The following ATP2B2 variants were observed in gnomAD, a reference collection of about 807,000 sequenced individuals.
The protein encoded by ATP2B2 is ATPase plasma membrane Ca2+ transporting 2.
A neutral mutation model predicts 120.0 loss-of-function variants in ATP2B2; 15 were observed. That is an observed-to-expected ratio of 0.12 (90% confidence interval 0.08 to 0.19). The LOEUF (loss-of-function observed/expected upper bound fraction) is 0.19, where lower values mean the gene tolerates loss of function less well. ATP2B2 is among the 10% of genes least tolerant of loss of function. The pLI, the probability that ATP2B2 is intolerant of heterozygous loss-of-function variation, is 1.00. For missense variants in ATP2B2, 1,045 were observed against 1,719.8 expected (o/e 0.61, Z 6.94); for synonymous variants, 694 against 700.3 (o/e 0.99, Z 0.14).
At chr3:10,390,679 G>C (rs529425248) in intron 5 of ATP2B2, among the ~76,000 whole-genome samples, 5 of 152,278 alleles carry the variant, frequency 3.3e-5, no homozygotes, top group South Asian at 4.1e-4. Context: ...GCTCACAGAG[G>C]GGGTGTGCGG....
At chr3:10,485,855 G>T (rs909771154) in intron 1 of ATP2B2, among the ~76,000 whole-genome samples, 2 of 152,170 alleles carry the variant, frequency 1.3e-5, no homozygotes, top group Non-Finnish European at 2.9e-5. Context: ...GTCAGGAAGG[G>T]TTGCTCTGGG....
chr3:10,385,183 G>A, intron 8 of ATP2B2, 85 bp downstream of exon 8: 1 of 1,365,596 alleles, frequency 7.3e-7, no homozygotes, highest in Admixed American at 1.8e-5. Flanking sequence ...GTGCAGTCCA[G>A]AACAAGGAAA....
At chr3:10,386,135 G>A (rs1298552182) in intron 7 of ATP2B2, among the ~76,000 whole-genome samples, 5 of 152,320 alleles carry the variant, frequency 3.3e-5, no homozygotes, top group South Asian at 2.1e-4. Flanking sequence ...GGCTCCCCAG[G>A]GGTGCTGGTG....
intron 1 of ATP2B2, among the ~76,000 whole-genome samples, chr3:10,473,557 A>AGGAGGCAAGTTGGCAG (rs1263471412): frequency 1.3e-4 from 20 of 152,328 alleles, no homozygotes; most frequent in African/African-American, 4.8e-4. Context: ...ACTTGAACCC[A>AGGAGGCAAGTTGGCAG]GGAGGCAAGT....
At chr3:10,551,650 G>A (rs1422745450) in intron 2 of ATP2B2, among the ~76,000 whole-genome samples, 9 of 152,154 alleles carry the variant, frequency 5.9e-5, no homozygotes, top group Admixed American at 3.9e-4. Flanking sequence ...CCTTCAGCCC[G>A]GCAACTGTAC....
At chr3:10,655,403 T>C (rs2070593048) in intron 1 of ATP2B2, among the ~76,000 whole-genome samples, 1 of 152,194 alleles carries the variant, frequency 6.6e-6, no homozygotes, top group African/African-American at 2.4e-5. Flanking sequence ...TCAATCAGAA[T>C]CCCCCAGGTT....
At chr3:10,351,609 C>T (rs2060580167) in intron 14 of ATP2B2, among the ~76,000 whole-genome samples, 1 of 152,094 alleles carries the variant, frequency 6.6e-6, no homozygotes, top group Non-Finnish European at 1.5e-5. Context: ...AGTTGTATTC[C>T]CCCCAAAAGA....
rs1398957011 is a variant in ATP2B2, at chr3:10,456,245, T to C, written c.-319-6383A>G. Among the ~76,000 whole-genome samples, 5 of 152,246 alleles carry C rather than the reference T, an allele frequency of 3.3e-5. No individual in the cohort carries two copies. In the East Asian group the frequency reaches 9.6e-4, roughly 29 times the overall value. The stretch of plus-strand genomic sequence containing the variant: ...CTGGGACAGTCGTACATGAATTATG[T>C]GCTAAAAATAACTTCTGGATGCCAA... On this transcript the variant is annotated intron_variant, in intron 1 of 22. Coordinates refer to ENST00000360273, the MANE Select transcript of ATP2B2 (RefSeq NM_001001331.4).
In ATP2B2 at chr3:10,342,403, A is replaced by G. The variant is rs1215080419; in HGVS notation, c.2917+349T>C. ...CCAGGATAAGGTGCTGGAATGGGTC[A>G]GAGAAGGGGTGAGTCACTCCCCTCC... On this transcript the variant is annotated intron_variant, in intron 19 of 22. Coordinates refer to ENST00000360273, the MANE Select transcript of ATP2B2 (RefSeq NM_001001331.4). The surrounding 1 kb of genome is among the most constrained non-coding windows in gnomAD (Gnocchi z 4.4). 1.3e-5 allele frequency among the ~76,000 whole-genome samples: 2 copies of G among 152,170 alleles called. No homozygotes were observed. Among genetic ancestry groups the G allele is most frequent in the African/African-American group, 4.8e-5 (2 of 41,442 alleles).
At position 10,364,714 on chromosome 3, in the gene ATP2B2, G is replaced by GA. The variant is rs895709086; in HGVS notation, c.1660-4592dup. 7.9e-5 allele frequency among the ~76,000 whole-genome samples: 12 copies of GA among 151,110 alleles called. 1 individual carries two copies. The highest frequency in any genetic ancestry group is 2.1e-4 in the South Asian group (1 of 4,782). On this transcript the variant is annotated intron_variant, in intron 12 of 22. Transcript: ENST00000360273. ...CGTCAGAGCAAGACTCCATCTTGGG[G>GA]AAAAAAAATAATAATAATAAAAATA...
At chr3:10,607,255 C>T (rs2069112607) in intron 2 of ATP2B2, among the ~76,000 whole-genome samples, 1 of 152,092 alleles carries the variant, frequency 6.6e-6, no homozygotes, top group Middle Eastern at 3.2e-3. Flanking sequence ...GTGGAAAGCC[C>T]AGAACAGAGC....
chr3:10,375,316 G>A lies in ATP2B2; in HGVS notation c.1416+114C>T, dbSNP rs2061351168. The A allele has an allele frequency of 1.2e-6, 1 of 868,686 alleles. No homozygotes were observed. Among genetic ancestry groups the A allele is most frequent in the Non-Finnish European group, 1.9e-6 (1 of 533,294 alleles). 53.8% of individuals were successfully genotyped at this position (868,686 alleles called of 1,614,324 possible). On this transcript the variant is annotated intron_variant, in intron 11 of 22. Coordinates refer to ENST00000360273, the MANE Select transcript of ATP2B2 (RefSeq NM_001001331.4). This position sits in a 1 kb window ranked among gnomAD's most constrained non-coding sequence, Gnocchi z 4.2. The stretch of plus-strand genomic sequence containing the variant: ...ACATTCTTCTTCCAAGCTCCTAGGG[G>A]GTCTATGGGGCTTCTTCGTTCATCT...
chr3:10,612,622 C>T (rs921016561), intron 2 of ATP2B2, among the ~76,000 whole-genome samples: 11 of 152,156 alleles, frequency 7.2e-5, no homozygotes, highest in Admixed American at 4.6e-4. Flanking sequence ...GCTTTAAATA[C>T]GATCTATATA....
intron 2 of ATP2B2, among the ~76,000 whole-genome samples, chr3:10,611,479 G>A (rs1387796656): frequency 2.6e-5 from 4 of 152,156 alleles, no homozygotes; most frequent in Admixed American, 6.5e-5. Context: ...CCTGTCCACC[G>A]ACATCTGCAC....
intron 2 of ATP2B2, among the ~76,000 whole-genome samples, chr3:10,440,310 T>A (rs2063621100): frequency 1.3e-5 from 2 of 152,030 alleles, no homozygotes; most frequent in Non-Finnish European, 2.9e-5. Context: ...TGGCTCTCCA[T>A]GCACCTGGAG....
At chr3:10,665,593 T>C (rs778389794) in intron 1 of ATP2B2, among the ~76,000 whole-genome samples, 1 of 152,224 alleles carries the variant, frequency 6.6e-6, no homozygotes, top group Non-Finnish European at 1.5e-5. Context: ...ACTAGGACTC[T>C]ATAACTACTG....
At chr3:10,529,691 T>C (rs2067170756) in intron 3 of ATP2B2, among the ~76,000 whole-genome samples, 1 of 152,182 alleles carries the variant, frequency 6.6e-6, no homozygotes, top group Non-Finnish European at 1.5e-5. Context: ...AAAGATAGGT[T>C]GAAGTCCTAA....
At chr3:10,632,314 C>T (rs1016632625) in intron 1 of ATP2B2, among the ~76,000 whole-genome samples, 1 of 152,242 alleles carries the variant, frequency 6.6e-6, no homozygotes, top group Non-Finnish European at 1.5e-5. Flanking sequence ...GTCTCCACCA[C>T]TCCCAGCTGC....
rs2060346386 is a variant in ATP2B2 at position 10,343,570 on chromosome 3, A to G, written c.2704-605T>C. ...CACCACTTTTAGGTCACCACTGTCC[A>G]GGTTCTGGGAGGGACCCTTTCAGAC... On this transcript the variant is annotated intron_variant, in intron 18 of 22. Transcript: ENST00000360273. This position sits in a 1 kb window ranked among gnomAD's most constrained non-coding sequence, Gnocchi z 4.2. Among the ~76,000 whole-genome samples, 1 of 152,180 alleles carries G rather than the reference A, an allele frequency of 6.6e-6. No individual in the cohort carries two copies. Among genetic ancestry groups the G allele is most frequent in the African/African-American group, 2.4e-5 (1 of 41,442 alleles).
Sources: gnomAD v4.1 joint callset for allele counts (sites outside exome capture counted in the v4.1 genomes callset) on GRCh38, gnomAD v4.1.1 for gene constraint, Gnocchi (gnomAD v3.1) non-coding constraint, MANE v1.5 for transcripts, NCBI Gene and HGNC (gene_info 2026-07-23, HGNC 2026-07-21) for gene names.